MBOAT2: variants seen among roughly 807,000 people sequenced by gnomAD.
The protein encoded by MBOAT2 is membrane-bound glycerophospholipid O-acyltransferase 2.
A neutral mutation model predicts 63.4 loss-of-function variants in MBOAT2; 28 were observed. The observed-to-expected ratio is 0.44, with a 90% CI of 0.33 to 0.61. MBOAT2 has a LOEUF of 0.61. Among genes scored for constraint, MBOAT2 ranks in the 20% least tolerant of loss-of-function variants. The probability of loss-of-function intolerance (pLI) is 0.03; values close to 1 mark genes in which losing one functional copy is unlikely to be tolerated. For synonymous variants in MBOAT2, 211 were observed against 215.6 expected (o/e 0.98, Z 0.19); for missense variants, 470 against 605.8 (o/e 0.78, Z 2.35).
intron 1 of MBOAT2, among the ~76,000 whole-genome samples, chr2:8,963,822 T>G (rs1035415300): frequency 5.3e-5 from 8 of 152,242 alleles, no homozygotes; most frequent in African/African-American, 1.7e-4. Context: ...GACATTAATA[T>G]AGTGTCCATA....
intron 11 of MBOAT2, chr2:8,860,991 T>TA (rs1185521361): frequency 1.4e-5 from 4 of 287,738 alleles, no homozygotes; most frequent in South Asian, 7.1e-5. Context: ...GATGAGGAAG[T>TA]AACAGGGAAA....
chr2:8,901,199 A>G (rs944178235), intron 4 of MBOAT2, among the ~76,000 whole-genome samples: 1 of 151,708 alleles, frequency 6.6e-6, no homozygotes. Context: ...TCACCGATGC[A>G]GCAGCAGAAA....
At chr2:8,860,876 T>C in intron 11 of MBOAT2, 112 bp from the exon 12 acceptor site, 1 of 859,674 alleles carries the variant, frequency 1.2e-6, no homozygotes, top group Non-Finnish European at 1.8e-6. Flanking sequence ...ACTGAAACTC[T>C]CCTAAGTTGC....
intron 5 of MBOAT2, among the ~76,000 whole-genome samples, chr2:8,885,127 G>A (rs533497468): frequency 4.6e-5 from 7 of 152,236 alleles, no homozygotes; most frequent in South Asian, 4.1e-4. Flanking sequence ...ATGGAATGGC[G>A]TATCTTCCAC....
At chr2:8,997,481 G>A (rs1573288431) in intron 1 of MBOAT2, among the ~76,000 whole-genome samples, 1 of 152,194 alleles carries the variant, frequency 6.6e-6, no homozygotes, top group East Asian at 1.9e-4. Flanking sequence ...TCACTGTGTG[G>A]GCATACGACC....
chr2:8,880,080 T>C (rs1366335956), intron 6 of MBOAT2, among the ~76,000 whole-genome samples: 2 of 151,942 alleles, frequency 1.3e-5, no homozygotes, highest in Non-Finnish European at 2.9e-5. Flanking sequence ...CTGGAGGATT[T>C]TCATCAGGGG....
chr2:8,889,283 G>A (rs1411747766), intron 4 of MBOAT2, among the ~76,000 whole-genome samples: 3 of 152,210 alleles, frequency 2.0e-5, no homozygotes, highest in Admixed American at 6.5e-5. Flanking sequence ...GTCAGCAAAC[G>A]GCAGCAAGGG....
rs759438092 is a variant in MBOAT2 at position 8,963,302 on chromosome 2, G to C, written c.76-4660C>G. ...AAAACTAACCCGAAAGTCACAAAAA[G>C]AAACTAATTTTTTTTTCTTTGAGAC... On this transcript the variant is annotated intron_variant, in intron 1 of 12. Transcript: ENST00000305997. Among the ~76,000 whole-genome samples the C allele has an allele frequency of 6.6e-5, 10 of 152,042 alleles. No homozygotes were observed. In the Middle Eastern group the frequency reaches 0.01, roughly 155 times the overall value.
intron 2 of MBOAT2, among the ~76,000 whole-genome samples, chr2:8,945,432 C>T (rs1298379855): frequency 6.6e-6 from 1 of 152,040 alleles, no homozygotes; most frequent in African/African-American, 2.4e-5. Context: ...ACATTAAAAG[C>T]GTTGATGGGG....
chr2:8,989,696 C>A (rs1324200123), intron 1 of MBOAT2, among the ~76,000 whole-genome samples: 1 of 152,152 alleles, frequency 6.6e-6, no homozygotes, highest in Non-Finnish European at 1.5e-5. Context: ...CTTATTCAGA[C>A]CACTTCTGGG....
intron 3 of MBOAT2, among the ~76,000 whole-genome samples, chr2:8,940,263 C>T (rs1476837837): frequency 6.6e-6 from 1 of 152,084 alleles, no homozygotes; most frequent in Admixed American, 6.6e-5. Context: ...GTCAATGCTG[C>T]AATGACAGAA....
At chr2:9,002,595 A>C (rs1254132907) in intron 1 of MBOAT2, among the ~76,000 whole-genome samples, 1 of 152,094 alleles carries the variant, frequency 6.6e-6, no homozygotes, top group African/African-American at 2.4e-5. Flanking sequence ...TAGAGCAATC[A>C]CCTAACTATA....
chr2:8,888,982 G>A (rs987341347), intron 4 of MBOAT2, among the ~76,000 whole-genome samples: 2 of 152,172 alleles, frequency 1.3e-5, no homozygotes, highest in African/African-American at 2.4e-5. Context: ...TTAATTTTTT[G>A]AAACAATAAT....
intron 6 of MBOAT2, among the ~76,000 whole-genome samples, chr2:8,877,454 G>A (rs1028823300): frequency 6.6e-6 from 1 of 152,238 alleles, no homozygotes; most frequent in East Asian, 1.9e-4. Flanking sequence ...GATTTCTCAC[G>A]ATGAGACAAA....
chr2:8,903,820 G>A (rs762979929), intron 4 of MBOAT2, among the ~76,000 whole-genome samples: 3 of 151,958 alleles, frequency 2.0e-5, no homozygotes, highest in Admixed American at 6.6e-5. Context: ...CTTTACAGAC[G>A]GCAGTATGTC....
intron 3 of MBOAT2, among the ~76,000 whole-genome samples, chr2:8,936,786 CAAAAAAAAAAA>C (rs745694357): frequency 1.8e-5 from 1 of 56,384 alleles, no homozygotes; most frequent in African/African-American, 6.8e-5. Context: ...GACTCCGTCT[CAAAAAAAAAAA>C]AAAAAAAAGA....
chr2:8,919,068 A>G (rs1054043993), intron 3 of MBOAT2, among the ~76,000 whole-genome samples: 1 of 152,226 alleles, frequency 6.6e-6, no homozygotes, highest in Admixed American at 6.5e-5. Context: ...TCCATGTTGC[A>G]GCATATATCA....
intron 3 of MBOAT2, 37 bp from the exon 4 acceptor site, chr2:8,908,753 G>T: frequency 7.9e-7 from 1 of 1,271,522 alleles, no homozygotes; most frequent in Non-Finnish European, 1.1e-6. Context: ...ATGAAAATAA[G>T]ACTCATTTTG....
At chr2:8,888,692 A>G (rs953060003) in intron 4 of MBOAT2, among the ~76,000 whole-genome samples, 3 of 152,208 alleles carry the variant, frequency 2.0e-5, no homozygotes, top group Non-Finnish European at 4.4e-5. Context: ...ACCAGGATGC[A>G]TCTTAACCTT....
Sources: allele counts gnomAD v4.1 joint callset (sites outside exome capture counted in the v4.1 genomes callset), GRCh38; gene constraint gnomAD v4.1.1; transcripts MANE v1.5; gene names NCBI Gene and HGNC (gene_info 2026-07-23, HGNC 2026-07-21).